The following RALGAPA1 variants were observed in gnomAD, a reference collection of about 807,000 sequenced individuals.
RALGAPA1 encodes Ral GTPase activating protein catalytic subunit alpha 1, also known as ral GTPase-activating protein subunit alpha-1.
RALGAPA1 carries 52 observed loss-of-function variants against 269.6 expected under a neutral mutation model. That is an observed-to-expected ratio of 0.19 (90% CI 0.15 to 0.24). The LOEUF (loss-of-function observed/expected upper bound fraction) is 0.24, where lower values mean the gene tolerates loss of function less well. RALGAPA1 is among the 10% of genes least tolerant of loss of function. The pLI is 1.00. For synonymous variants in RALGAPA1, 817 were observed against 1,008.3 expected (o/e 0.81, Z 3.60); for missense variants, 1,917 against 3,013.9 (o/e 0.64, Z 8.52).
At chr14:35,766,962 G>C (rs919388724) in intron 4 of RALGAPA1, 1 of 383,814 alleles carries the variant, frequency 2.6e-6, no homozygotes, top group Non-Finnish European at 5.1e-6. Context: ...CCGTTTACTG[G>C]ACATGCATTT....
chr14:35,760,740 T>G, intron 6 of RALGAPA1, 89 bp downstream of exon 6: 1 of 891,050 alleles, frequency 1.1e-6, no homozygotes, highest in South Asian at 2.0e-5. Flanking sequence ...ATTACCCAGT[T>G]AATGAATGCA....
intron 39 of RALGAPA1, among the ~76,000 whole-genome samples, chr14:35,552,649 T>C (rs2055133978): frequency 6.6e-6 from 1 of 151,086 alleles, no homozygotes; most frequent in Admixed American, 6.6e-5. Context: ...AAGCCAAAAT[T>C]AGCTAATAAA....
chr14:35,754,981 T>G (rs1339177375), intron 7 of RALGAPA1, among the ~76,000 whole-genome samples: 1 of 152,106 alleles, frequency 6.6e-6, no homozygotes, highest in Non-Finnish European at 1.5e-5. Flanking sequence ...AACAAACTAT[T>G]CTATAATGAC....
chr14:35,589,799 C>T (rs2058529972), intron 37 of RALGAPA1, among the ~76,000 whole-genome samples: 1 of 152,092 alleles, frequency 6.6e-6, no homozygotes, highest in Non-Finnish European at 1.5e-5. Flanking sequence ...CTCCTGGACT[C>T]AAGCAATCTT....
intron 31 of RALGAPA1, among the ~76,000 whole-genome samples, chr14:35,643,192 G>A (rs1463337339): frequency 3.9e-5 from 6 of 151,952 alleles, no homozygotes; most frequent in Non-Finnish European, 7.4e-5. Context: ...AGGGGTGGGG[G>A]GAGGCGGGAG....
At position 35,775,738 on chromosome 14, in the gene RALGAPA1, T is replaced by C. The variant is rs771268791; in HGVS notation, c.114A>G (p.Ala38=). ...LKHLRIVIEN[A]ESIDLKQFFD... is the part of the protein sequence containing the mutation. Reference sequence around the variant, plus strand: ...AAAACTGTTTAAGATCAATAGATTCTGCATTCTCTGAAAAATAAAAAAAAA... The same window carrying C: ...AAAACTGTTTAAGATCAATAGATTCCGCATTCTCTGAAAAATAAAAAAAAA... The change falls in exon 2 of 42, where the codon GCA becomes GCG. Residue 38 remains alanine, a synonymous_variant. Transcript: ENST00000680220. The C allele has an allele frequency of 1.3e-6, 2 of 1,536,010 alleles. No homozygotes were observed. Among genetic ancestry groups the C allele is most frequent in the Admixed American group, 2.3e-5 (1 of 43,784 alleles).
chr14:35,737,480 G>C (rs1000931145), intron 12 of RALGAPA1, among the ~76,000 whole-genome samples: 1 of 117,392 alleles, frequency 8.5e-6, no homozygotes, highest in African/African-American at 3.0e-5. Context: ...TTCACAGTTG[G>C]GCGTGGTGGC....
chr14:35,595,433 G>T (rs985194745), intron 37 of RALGAPA1, among the ~76,000 whole-genome samples: 2 of 152,022 alleles, frequency 1.3e-5, no homozygotes, highest in Admixed American at 1.3e-4. Context: ...AAAAAAGACT[G>T]CAACCTTTAA....
intron 12 of RALGAPA1, among the ~76,000 whole-genome samples, chr14:35,733,679 C>G (rs535468821): frequency 1.3e-5 from 2 of 152,012 alleles, no homozygotes; most frequent in South Asian, 4.2e-4. Flanking sequence ...GAAACAAGAA[C>G]AAACCAAACC....
chr14:35,697,186 C>T (rs1382473660), intron 17 of RALGAPA1, among the ~76,000 whole-genome samples: 1 of 152,118 alleles, frequency 6.6e-6, no homozygotes, highest in African/African-American at 2.4e-5. Context: ...TAGATTTCTA[C>T]AATGTAAACT....
chr14:35,672,184 C>T (rs893619271), intron 25 of RALGAPA1, among the ~76,000 whole-genome samples: 4 of 151,938 alleles, frequency 2.6e-5, no homozygotes, highest in Admixed American at 1.3e-4. Context: ...TAAATTAATG[C>T]AAAAATTTTA....
intron 35 of RALGAPA1, among the ~76,000 whole-genome samples, chr14:35,617,812 CAG>C (rs2060359569): frequency 6.6e-6 from 1 of 150,724 alleles, no homozygotes; most frequent in African/African-American, 2.4e-5. Context: ...CAGAACATAA[CAG>C]AATGTAACAA....
At chr14:35,582,704 T>C (rs1048451490) in intron 37 of RALGAPA1, among the ~76,000 whole-genome samples, 1 of 152,166 alleles carries the variant, frequency 6.6e-6, no homozygotes, top group Non-Finnish European at 1.5e-5. Flanking sequence ...AAATATCCTC[T>C]TGCTTTATGG....
chr14:35,715,815 G>C, intron 16 of RALGAPA1: 1 of 985,350 alleles, frequency 1.0e-6, no homozygotes, highest in Non-Finnish European at 1.2e-6. Flanking sequence ...TCCCAGAAGT[G>C]ATTATCAGCA....
chr14:35,542,117 AC>A, intron 41 of RALGAPA1: 1 of 686,772 alleles, frequency 1.5e-6, no homozygotes, highest in Non-Finnish European at 2.2e-6. Context: ...TAAAGTGTTC[AC>A]TGTACTGTTG....
intron 16 of RALGAPA1, among the ~76,000 whole-genome samples, chr14:35,711,388 TA>T (rs1174293559): frequency 6.6e-6 from 1 of 152,144 alleles, no homozygotes; most frequent in Non-Finnish European, 1.5e-5. Flanking sequence ...CACTACATTT[TA>T]AAAAAACCTT....
intron 39 of RALGAPA1, among the ~76,000 whole-genome samples, chr14:35,561,702 G>A (rs955747095): frequency 1.3e-5 from 2 of 151,802 alleles, no homozygotes; most frequent in Admixed American, 6.6e-5. Context: ...TAGAGACAGG[G>A]TTTCACTATA....
At chr14:35,570,542 C>T in intron 39 of RALGAPA1, 75 bp downstream of exon 39, 1 of 1,193,104 alleles carries the variant, frequency 8.4e-7, no homozygotes. Flanking sequence ...AAGGCTTTAA[C>T]AATATATAAG....
chr14:35,805,273 G>GA (rs1210856703), intron 1 of RALGAPA1, among the ~76,000 whole-genome samples: 70 of 134,026 alleles, frequency 5.2e-4, no homozygotes, highest in South Asian at 1.4e-3. Flanking sequence ...AAATACAAAA[G>GA]AAAAAAAAAA....
Sources: allele counts gnomAD v4.1 joint callset (sites outside exome capture counted in the v4.1 genomes callset), GRCh38; gene constraint gnomAD v4.1.1; transcripts MANE v1.5; gene names NCBI Gene and HGNC (gene_info 2026-07-23, HGNC 2026-07-21).